The following ANKRD31 variants were observed in gnomAD, a reference collection of about 807,000 sequenced individuals.
The protein encoded by ANKRD31 is ankyrin repeat domain 31.
A neutral mutation model predicts 186.0 loss-of-function variants in ANKRD31; 147 were observed. The observed-to-expected ratio is 0.79, with a 90% CI of 0.69 to 0.91. ANKRD31 has a LOEUF of 0.91. ANKRD31 is among the 40% of genes least tolerant of loss of function. ANKRD31 has a pLI of 0.00. For synonymous variants in ANKRD31, 673 were observed against 736.4 expected (o/e 0.91, Z 1.39); for missense variants, 1,986 against 2,148.8 (o/e 0.92, Z 1.50).
chr5:75,205,564 T>G (rs761975007), intron 5 of ANKRD31, among the ~76,000 whole-genome samples: 2 of 152,230 alleles, frequency 1.3e-5, no homozygotes, highest in Non-Finnish European at 2.9e-5. Flanking sequence ...GCTTAATAAG[T>G]ATTTGTTAAA....
intron 17 of ANKRD31, among the ~76,000 whole-genome samples, chr5:75,118,744 A>C (rs1368777860): frequency 6.6e-6 from 1 of 152,184 alleles, no homozygotes; most frequent in Admixed American, 6.5e-5. Context: ...AAAAGTACCT[A>C]GTAGCTACTA....
chr5:75,131,369 G>A (rs146790229), intron 17 of ANKRD31, among the ~76,000 whole-genome samples: 5,640 of 152,180 alleles, frequency 0.037, 354 homozygotes, highest in African/African-American at 0.13. Context: ...TATATCCTGT[G>A]CATGGGTCAG....
At chr5:75,126,811 A>G (rs565296664) in intron 17 of ANKRD31, among the ~76,000 whole-genome samples, 2 of 152,308 alleles carry the variant, frequency 1.3e-5, no homozygotes, top group African/African-American at 4.8e-5. Context: ...ACAAGTTGTA[A>G]TTTTATATAT....
Position 75,148,593 on chromosome 5 carries a change from C to A in ANKRD31, c.1888G>T (p.Asp630Tyr), listed in dbSNP as rs1490285604. ...AGATATACCTTGTGTTGGTACACATCCTCTATGTCTAGTGGGTCAATGCTA... is the reference window on the plus strand; with the variant it reads ...AGATATACCTTGTGTTGGTACACATACTCTATGTCTAGTGGGTCAATGCTA... ...RSSIDPLDIEDVYQHKKPKFS... is the reference protein window; with the variant it reads ...RSSIDPLDIEYVYQHKKPKFS... Residue 630 changes from aspartate (D) to tyrosine (Y), a missense_variant, in exon 13 of 26, where the codon GAT (aspartate) becomes TAT (tyrosine). Coordinates refer to ENST00000506364, the MANE Select transcript of ANKRD31 (RefSeq NM_001372053.1). 1 of 1,525,104 alleles carries A rather than the reference C, an allele frequency of 6.6e-7. No individual in the cohort carries two copies. Among genetic ancestry groups the A allele is most frequent in the African/African-American group, 1.4e-5 (1 of 72,456 alleles). 94.5% of individuals were successfully genotyped at this position (1,525,104 alleles called of 1,614,324 possible).
At chr5:75,071,139 C>G (rs1329951942) in intron 25 of ANKRD31, among the ~76,000 whole-genome samples, 1 of 152,016 alleles carries the variant, frequency 6.6e-6, no homozygotes, top group African/African-American at 2.4e-5. Flanking sequence ...GGTAACAGCT[C>G]TGAAGTATCT....
At chr5:75,087,773 T>C (rs970709458) in intron 23 of ANKRD31, among the ~76,000 whole-genome samples, 2 of 152,184 alleles carry the variant, frequency 1.3e-5, no homozygotes. Context: ...AAAATATTTC[T>C]TTAGGAATTC....
At chr5:75,123,535 A>C (rs1410249288) in intron 17 of ANKRD31, among the ~76,000 whole-genome samples, 1 of 152,164 alleles carries the variant, frequency 6.6e-6, no homozygotes, top group Non-Finnish European at 1.5e-5. Flanking sequence ...ACCTGACTTC[A>C]AATTATACTG....
chr5:75,229,589 T>TA (rs1388252645), intron 2 of ANKRD31, among the ~76,000 whole-genome samples: 1 of 151,978 alleles, frequency 6.6e-6, no homozygotes, highest in Non-Finnish European at 1.5e-5. Context: ...ACATTGATTT[T>TA]AAAAAATCAA....
At chr5:75,192,926 G>A in intron 8 of ANKRD31, 150 bp from the exon 9 acceptor site, 1 of 637,034 alleles carries the variant, frequency 1.6e-6, no homozygotes, top group Non-Finnish European at 2.6e-6. Flanking sequence ...TACGGAGATG[G>A]CTCCTGCAGG....
At chr5:75,175,217 T>C (rs1212854757) in intron 10 of ANKRD31, among the ~76,000 whole-genome samples, 1 of 152,100 alleles carries the variant, frequency 6.6e-6, no homozygotes, top group African/African-American at 2.4e-5. Context: ...CATCACACAC[T>C]GAGGCCTGTC....
At chr5:75,194,238 T>A (rs1755306872) in intron 7 of ANKRD31, among the ~76,000 whole-genome samples, 1 of 152,150 alleles carries the variant, frequency 6.6e-6, no homozygotes, top group African/African-American at 2.4e-5. Context: ...ATGAGTATAT[T>A]ATTTGATCTC....
At position 75,147,026 on chromosome 5, in the gene ANKRD31, T is replaced by C; in HGVS notation, c.2385A>G (p.Leu795=). 1 of 1,536,402 alleles carries C rather than the reference T, an allele frequency of 6.5e-7. No individual in the cohort carries two copies. Among genetic ancestry groups the C allele is most frequent in the East Asian group, 2.4e-5 (1 of 40,872 alleles). The part of the protein sequence containing the change: ...SLTLSSLRNG[L]DSSTEACSVS... ...CTGAACAAGCCTCAGTACTGCTATCTAATCCATTTCTCAGGCTTGACAGAG... is the reference window on the plus strand; with the variant it reads ...CTGAACAAGCCTCAGTACTGCTATCCAATCCATTTCTCAGGCTTGACAGAG... Residue 795 remains leucine, a synonymous_variant, in exon 14 of 26, where the codon TTA becomes TTG. Coordinates refer to ENST00000506364, the MANE Select transcript of ANKRD31 (RefSeq NM_001372053.1).
chr5:75,171,614 A>C (rs1318461901), intron 10 of ANKRD31, among the ~76,000 whole-genome samples: 2 of 151,790 alleles, frequency 1.3e-5, no homozygotes, highest in Non-Finnish European at 3.0e-5. Context: ...GAAATCAATA[A>C]AGTATAAAAC....
intron 22 of ANKRD31, among the ~76,000 whole-genome samples, chr5:75,092,734 G>GA (rs1028740702): frequency 6.6e-6 from 1 of 151,674 alleles, no homozygotes; most frequent in Non-Finnish European, 1.5e-5. Flanking sequence ...CACACACTGG[G>GA]AAAAAAAACA....
intron 18 of ANKRD31, among the ~76,000 whole-genome samples, chr5:75,117,230 T>C (rs1425581680): frequency 6.6e-6 from 1 of 152,196 alleles, no homozygotes; most frequent in Non-Finnish European, 1.5e-5. Flanking sequence ...ATAATAGATC[T>C]ATCAACAACT....
At chr5:75,177,790 T>G (rs1753932230) in intron 10 of ANKRD31, among the ~76,000 whole-genome samples, 1 of 152,114 alleles carries the variant, frequency 6.6e-6, no homozygotes, top group African/African-American at 2.4e-5. Context: ...TGCCAAATTG[T>G]AAAGACCGTC....
chr5:75,100,958 C>T (rs1248270910), intron 22 of ANKRD31, among the ~76,000 whole-genome samples: 1 of 152,098 alleles, frequency 6.6e-6, no homozygotes, highest in African/African-American at 2.4e-5. Context: ...GAATTTGATC[C>T]TGTTATTATG....
chr5:75,104,932 G>T lies in ANKRD31; in HGVS notation c.4627C>A (p.Gln1543Lys), dbSNP rs1322499683. Residue 1543 changes from glutamine (Q) to lysine (K), a missense_variant, in exon 22 of 26, where the codon CAA becomes AAA. Coordinates refer to ENST00000506364, the MANE Select transcript of ANKRD31 (RefSeq NM_001372053.1). ...SPVSGSMQET[Q>K]LSLETWNYSQ... Reference sequence around the variant, plus strand: ...TAGTTCCAAGTTTCCAGAGACAATTGTGTTTCCTGCATGCTTCCAGAAACA... The same window carrying T: ...TAGTTCCAAGTTTCCAGAGACAATTTTGTTTCCTGCATGCTTCCAGAAACA... 1.3e-6 allele frequency: 2 copies of T among 1,537,124 alleles called. No homozygotes were observed. The highest frequency in any genetic ancestry group is 1.7e-6 in the Non-Finnish European group (2 of 1,146,884).
chr5:75,139,565 GCTAAAATGACAGTAAAAGAA>G (rs1446718475), intron 15 of ANKRD31, among the ~76,000 whole-genome samples: 1 of 151,978 alleles, frequency 6.6e-6, no homozygotes, highest in Admixed American at 6.6e-5. Context: ...CCAAAACCAT[GCTAAAATGACAGTAAAAGAA>G]ATTTTAAAGT....
Sources: gnomAD v4.1 joint callset for allele counts (sites outside exome capture counted in the v4.1 genomes callset) on GRCh38, gnomAD v4.1.1 for gene constraint, MANE v1.5 for transcripts, NCBI Gene and HGNC (gene_info 2026-07-23, HGNC 2026-07-21) for gene names.